The following RANBP17 variants were observed in gnomAD, a reference collection of about 807,000 sequenced individuals.
RANBP17 encodes the protein ran-binding protein 17.
In RANBP17, 158 loss-of-function variants were observed where a neutral mutation model predicts 141.2. The observed-to-expected ratio is 1.12, with a 90% CI of 0.98 to 1.28. The LOEUF is 1.28. Ranked by LOEUF, RANBP17 falls within the 50% of genes most tolerant of loss-of-function variation. RANBP17 has a pLI of 0.00. For synonymous variants in RANBP17, 430 were observed against 450.0 expected, an observed-to-expected ratio of 0.96 and a Z score of 0.56; for missense variants, 1,438 against 1,290.7, an observed-to-expected ratio of 1.11 and a Z score of -1.75.
intron 13 of RANBP17, among the ~76,000 whole-genome samples, chr5:170,964,134 G>C (rs1421270170): frequency 6.6e-6 from 1 of 152,102 alleles, no homozygotes; most frequent in Non-Finnish European, 1.5e-5. Context: ...GATGGTAAGA[G>C]TATAAATTAT....
chr5:171,130,663 C>G (rs934971151), intron 14 of RANBP17, among the ~76,000 whole-genome samples: 1 of 151,728 alleles, frequency 6.6e-6, no homozygotes, highest in African/African-American at 2.4e-5. Context: ...CTCAAAATCC[C>G]GACCTCAGGT....
intron 14 of RANBP17, among the ~76,000 whole-genome samples, chr5:171,144,913 C>G (rs368436230): frequency 1.3e-5 from 2 of 152,110 alleles, no homozygotes; most frequent in Non-Finnish European, 2.9e-5. Flanking sequence ...TGAGTATTCT[C>G]GCTTGTGATG....
chr5:171,065,303 G>C (rs535105216), intron 14 of RANBP17, among the ~76,000 whole-genome samples: 1 of 152,174 alleles, frequency 6.6e-6, no homozygotes, highest in East Asian at 1.9e-4. Flanking sequence ...AGAATGGGGG[G>C]GTGGGGTGAA....
At chr5:171,218,626 C>T (rs1332493533) in intron 21 of RANBP17, among the ~76,000 whole-genome samples, 5 of 152,028 alleles carry the variant, frequency 3.3e-5, no homozygotes, top group African/African-American at 4.8e-5. Flanking sequence ...TAGCTCTTCA[C>T]GTTGCATTGA....
chr5:171,171,353 G>T, intron 16 of RANBP17, 67 bp downstream of exon 16: 1 of 859,708 alleles, frequency 1.2e-6, no homozygotes, highest in Non-Finnish European at 1.8e-6. Context: ...AATTAACCAG[G>T]TATTCTCCTT....
chr5:170,884,337 A>G (rs1768970903), intron 3 of RANBP17, among the ~76,000 whole-genome samples: 1 of 152,210 alleles, frequency 6.6e-6, no homozygotes, highest in Admixed American at 6.5e-5. Context: ...CTTATAGTCT[A>G]CTGTTGACTA....
At chr5:170,983,815 A>G (rs1474096086) in intron 14 of RANBP17, among the ~76,000 whole-genome samples, 1 of 152,182 alleles carries the variant, frequency 6.6e-6, no homozygotes, top group East Asian at 1.9e-4. Flanking sequence ...AGTGTATTTA[A>G]CCCAGATTTT....
At chr5:170,923,602 A>G (rs1772659006) in intron 11 of RANBP17, among the ~76,000 whole-genome samples, 1 of 152,196 alleles carries the variant, frequency 6.6e-6, no homozygotes, top group East Asian at 1.9e-4. Context: ...CATCTCAACA[A>G]TATTGAGTCT....
intron 24 of RANBP17, among the ~76,000 whole-genome samples, chr5:171,257,329 G>A (rs531055614): frequency 2.6e-5 from 4 of 152,266 alleles, no homozygotes; most frequent in Admixed American, 1.3e-4. Context: ...CATCTGAATA[G>A]ATGCAGAAAA....
chr5:171,019,862 T>C (rs1410439248), intron 14 of RANBP17, among the ~76,000 whole-genome samples: 1 of 152,176 alleles, frequency 6.6e-6, no homozygotes, highest in Non-Finnish European at 1.5e-5. Flanking sequence ...TTAATTATGA[T>C]GTTAGGATAC....
At chr5:171,266,267 T>G (rs897776276) in intron 25 of RANBP17, among the ~76,000 whole-genome samples, 7 of 152,160 alleles carry the variant, frequency 4.6e-5, no homozygotes, top group African/African-American at 7.2e-5. Context: ...GGCAGCTTGC[T>G]AGGAATTTCT....
chr5:171,074,498 A>C (rs1017563594), intron 14 of RANBP17, among the ~76,000 whole-genome samples: 4 of 152,212 alleles, frequency 2.6e-5, no homozygotes, highest in African/African-American at 9.6e-5. Context: ...AGTATTAATC[A>C]TTTAATTTTG....
rs1348328449 is a variant in RANBP17 at position 171,184,137 on chromosome 5, A to G, written c.2038+707A>G. On this transcript the variant is annotated intron_variant, in intron 18 of 27. Transcript: ENST00000523189. The stretch of plus-strand genomic sequence containing the variant: ...CAATCCTACTACTGGGTGTATAGGT[A>G]TCCAAAGGAAATGAAATGAGTATAT... 2.6e-5 allele frequency among the ~76,000 whole-genome samples: 4 copies of G among 152,226 alleles called. No individual in the cohort carries two copies. The East Asian group carries it at 5.8e-4, about 22-fold the overall frequency.
intron 19 of RANBP17, among the ~76,000 whole-genome samples, chr5:171,203,281 C>T (rs1211291154): frequency 2.6e-5 from 4 of 152,216 alleles, no homozygotes; most frequent in African/African-American, 7.2e-5. Flanking sequence ...TCACCTCTTA[C>T]GCTCAAATTA....
intron 13 of RANBP17, among the ~76,000 whole-genome samples, chr5:170,955,172 C>T (rs1194892941): frequency 6.6e-6 from 1 of 152,006 alleles, no homozygotes; most frequent in African/African-American, 2.4e-5. Context: ...GTCCCTGGTG[C>T]CAAAAAGGTT....
rs115571326 is a variant in RANBP17, at chr5:171,052,286, G to A, written c.1710+83909G>A. 4.0e-3 allele frequency among the ~76,000 whole-genome samples: 602 copies of A among 152,140 alleles called. 7 individuals carry two copies. Among genetic ancestry groups the A allele is most frequent in the African/African-American group, 0.014 (577 of 41,524 alleles). ...TGTCTAATTTATCTATTCTTTGGTT[G>A]CTTGTGGTTTTTGAGTCAAATCTAA... On this transcript the variant is annotated intron_variant, in intron 14 of 27. Coordinates refer to ENST00000523189, the MANE Select transcript of RANBP17 (RefSeq NM_022897.5).
chr5:170,998,140 T>C (rs1014711117), intron 14 of RANBP17, among the ~76,000 whole-genome samples: 1 of 151,924 alleles, frequency 6.6e-6, no homozygotes, highest in African/African-American at 2.4e-5. Context: ...CTTGATTATA[T>C]AGATGAAAGT....
intron 18 of RANBP17, among the ~76,000 whole-genome samples, chr5:171,193,061 C>T (rs751839521): frequency 2.0e-5 from 3 of 152,198 alleles, no homozygotes; most frequent in Non-Finnish European, 2.9e-5. Flanking sequence ...GTCATCAGCT[C>T]TTCTGAGATT....
chr5:171,229,433 C>T (rs940988669), intron 22 of RANBP17, among the ~76,000 whole-genome samples: 4 of 152,044 alleles, frequency 2.6e-5, no homozygotes, highest in African/African-American at 7.2e-5. Flanking sequence ...CTTGCTCTGT[C>T]GCCCAGGCTG....
Sources: gnomAD v4.1 joint callset for allele counts (sites outside exome capture counted in the v4.1 genomes callset) on GRCh38, gnomAD v4.1.1 for gene constraint, MANE v1.5 for transcripts, NCBI Gene and HGNC (gene_info 2026-07-23, HGNC 2026-07-21) for gene names.